Variants in CCDC102B observed in about 807,000 individuals in gnomAD.
CCDC102B encodes the protein coiled-coil domain containing 102B, also known as coiled-coil domain-containing protein 102B.
Under a neutral mutation model 57.4 loss-of-function variants are expected in CCDC102B, and 75 were observed. That is an observed-to-expected ratio of 1.31 (90% CI 1.08 to 1.58). CCDC102B has a LOEUF of 1.58. CCDC102B is among the 40% of genes most tolerant of loss of function. CCDC102B has a pLI of 0.00. For synonymous variants in CCDC102B, 206 were observed against 201.9 expected, an observed-to-expected ratio of 1.02 and a Z score of -0.17; for missense variants, 636 against 582.6, an observed-to-expected ratio of 1.09 and a Z score of -0.94.
intron 6 of CCDC102B, among the ~76,000 whole-genome samples, chr18:68,967,988 A>G (rs1399991451): frequency 2.0e-5 from 3 of 152,196 alleles, no homozygotes; most frequent in Non-Finnish European, 4.4e-5. Context: ...TCCTACAAAA[A>G]TGTCAAAATT....
At chr18:68,728,137 A>G (rs2032684768) in intron 2 of CCDC102B, among the ~76,000 whole-genome samples, 1 of 152,184 alleles carries the variant, frequency 6.6e-6, no homozygotes, top group East Asian at 1.9e-4. Context: ...AAGCCATGCA[A>G]TGATGGGCTG....
intron 7 of CCDC102B, among the ~76,000 whole-genome samples, chr18:69,021,469 C>T (rs956879984): frequency 6.6e-6 from 1 of 152,166 alleles, no homozygotes; most frequent in Admixed American, 6.6e-5. Context: ...TTTGTAAAAA[C>T]CAGCCGGTTC....
chr18:68,870,450 A>G (rs1179374166), intron 4 of CCDC102B, among the ~76,000 whole-genome samples: 1 of 152,218 alleles, frequency 6.6e-6, no homozygotes, highest in African/African-American at 2.4e-5. Context: ...GAGCAATTAA[A>G]TGTTAATGGG....
chr18:68,976,163 G>A (rs1174696259), intron 6 of CCDC102B, among the ~76,000 whole-genome samples: 4 of 151,916 alleles, frequency 2.6e-5, no homozygotes, highest in Admixed American at 6.6e-5. Flanking sequence ...TGGTACATTT[G>A]TATTTATGTA....
At chr18:68,994,705 C>T (rs2050973872) in intron 6 of CCDC102B, among the ~76,000 whole-genome samples, 1 of 152,174 alleles carries the variant, frequency 6.6e-6, no homozygotes, top group East Asian at 1.9e-4. Context: ...CACCTTCTGA[C>T]ATGATTGTGA....
intron 6 of CCDC102B, among the ~76,000 whole-genome samples, chr18:69,001,911 T>G (rs1010657232): frequency 6.6e-6 from 1 of 152,182 alleles, no homozygotes; most frequent in Non-Finnish European, 1.5e-5. Flanking sequence ...ATTTTACATA[T>G]ATTTTCCCCC....
chr18:68,932,991 A>C (rs1354918023), intron 6 of CCDC102B, among the ~76,000 whole-genome samples: 1 of 151,902 alleles, frequency 6.6e-6, no homozygotes, highest in Non-Finnish European at 1.5e-5. Context: ...GACTAAAAAT[A>C]TAGTGCACAT....
intron 5 of CCDC102B, among the ~76,000 whole-genome samples, chr18:68,880,078 G>A (rs527565862): frequency 3.9e-5 from 6 of 152,276 alleles, no homozygotes; most frequent in East Asian, 3.9e-4. Context: ...TGGGCCCCAC[G>A]GGAGCCCATG....
chr18:68,766,115 G>A (rs773293363), intron 2 of CCDC102B, among the ~76,000 whole-genome samples: 6 of 152,040 alleles, frequency 3.9e-5, no homozygotes, highest in Non-Finnish European at 8.8e-5. Flanking sequence ...TTTTTGCAAT[G>A]TCTAAGTTTA....
chr18:69,004,335 G>T (rs187026443), intron 6 of CCDC102B, among the ~76,000 whole-genome samples: 1 of 152,158 alleles, frequency 6.6e-6, no homozygotes, highest in African/African-American at 2.4e-5. Flanking sequence ...TGGGACCTCA[G>T]CTGATCCTTG....
intron 6 of CCDC102B, among the ~76,000 whole-genome samples, chr18:68,943,454 C>T (rs937497278): frequency 3.3e-5 from 5 of 152,042 alleles, no homozygotes; most frequent in Non-Finnish European, 5.9e-5. Flanking sequence ...ACTCTCAGAG[C>T]ATATTTTCAT....
intron 2 of CCDC102B, among the ~76,000 whole-genome samples, chr18:68,752,711 C>A (rs2062638177): frequency 6.6e-6 from 1 of 152,094 alleles, no homozygotes; most frequent in African/African-American, 2.4e-5. Flanking sequence ...CAACAGTATT[C>A]CAAATTATGT....
intron 4 of CCDC102B, among the ~76,000 whole-genome samples, chr18:68,851,830 T>C (rs2038140587): frequency 6.6e-6 from 1 of 152,166 alleles, no homozygotes; most frequent in Admixed American, 6.5e-5. Context: ...ACACAGGTAA[T>C]TACCTCACAC....
intron 5 of CCDC102B, among the ~76,000 whole-genome samples, chr18:68,887,055 T>C (rs1043362510): frequency 6.6e-6 from 1 of 152,128 alleles, no homozygotes; most frequent in Non-Finnish European, 1.5e-5. Context: ...CCTCTTTTTA[T>C]AGTTAAACAT....
intron 2 of CCDC102B, among the ~76,000 whole-genome samples, chr18:68,790,431 C>G (rs868849467): frequency 1.3e-5 from 2 of 152,008 alleles, no homozygotes; most frequent in South Asian, 2.1e-4. Context: ...CCCCCAGCCT[C>G]GCTGCCGCCT....
chr18:68,750,272 T>C (rs1198018537), intron 2 of CCDC102B, among the ~76,000 whole-genome samples: 1 of 152,102 alleles, frequency 6.6e-6, no homozygotes, highest in African/African-American at 2.4e-5. Context: ...AGAATGGCGA[T>C]CATTAAAAAG....
intron 2 of CCDC102B, among the ~76,000 whole-genome samples, chr18:68,780,392 T>C (rs2144633311): frequency 6.6e-6 from 1 of 152,194 alleles, no homozygotes; most frequent in African/African-American, 2.4e-5. Context: ...GCCAGACTAT[T>C]TTCCAAAGCA....
At chr18:68,844,994 T>C (rs556812426) in intron 3 of CCDC102B, among the ~76,000 whole-genome samples, 125 of 152,046 alleles carry the variant, frequency 8.2e-4, no homozygotes, top group African/African-American at 2.9e-3. Flanking sequence ...ATCAGAGTCC[T>C]ATAAGTGGTG....
At chr18:68,770,285 T>C (rs1215056378) in intron 2 of CCDC102B, among the ~76,000 whole-genome samples, 1 of 152,232 alleles carries the variant, frequency 6.6e-6, no homozygotes, top group Non-Finnish European at 1.5e-5. Flanking sequence ...AAACACCTAG[T>C]TGTGTATTCC....
Sources: allele counts gnomAD v4.1 joint callset (sites outside exome capture counted in the v4.1 genomes callset), GRCh38; gene constraint gnomAD v4.1.1; transcripts MANE v1.5; gene names NCBI Gene and HGNC (gene_info 2026-07-23, HGNC 2026-07-21).